Variants in JARID2 observed in about 807,000 individuals in gnomAD.
JARID2 encodes the protein jumonji and AT-rich interaction domain containing 2, also known as protein Jumonji.
In JARID2, 21 loss-of-function variants were observed where a neutral mutation model predicts 125.6. The ratio of observed to expected loss-of-function variants is 0.17; its 90% CI spans 0.12 to 0.24. The LOEUF is 0.24. Among genes scored for constraint, JARID2 ranks in the 10% least tolerant of loss-of-function variants. The pLI, the probability that JARID2 is intolerant of heterozygous loss-of-function variation, is 1.00. For synonymous variants in JARID2, 736 were observed against 661.6 expected (o/e 1.11, Z -1.73); for missense variants, 1,303 against 1,639.6 (o/e 0.79, Z 3.55).
intron 1 of JARID2, among the ~76,000 whole-genome samples, chr6:15,331,752 G>C (rs576193713): frequency 4.6e-5 from 7 of 152,056 alleles, no homozygotes; most frequent in African/African-American, 1.7e-4. Flanking sequence ...CCCAGGAGGT[G>C]GAGGTTGCAG....
At chr6:15,400,575 T>C (rs1429818961) in intron 2 of JARID2, among the ~76,000 whole-genome samples, 1 of 151,936 alleles carries the variant, frequency 6.6e-6, no homozygotes, top group African/African-American at 2.4e-5. Context: ...CCCCCATATG[T>C]CAGAAATTCT....
At chr6:15,491,444 T>G (rs945325576) in intron 6 of JARID2, among the ~76,000 whole-genome samples, 1 of 152,268 alleles carries the variant, frequency 6.6e-6, no homozygotes, top group Non-Finnish European at 1.5e-5. Flanking sequence ...CGCTTCTGTT[T>G]AGGCTCTTTG....
chr6:15,370,499 G>A (rs909761440), intron 1 of JARID2, among the ~76,000 whole-genome samples: 27 of 151,934 alleles, frequency 1.8e-4, no homozygotes, highest in African/African-American at 6.0e-4. Context: ...CACCACGCCC[G>A]GCTAATATTT....
chr6:15,270,736 C>G (rs1303574599), intron 1 of JARID2, among the ~76,000 whole-genome samples: 1 of 152,020 alleles, frequency 6.6e-6, no homozygotes, highest in Non-Finnish European at 1.5e-5. Context: ...TCACTTGAGC[C>G]TAGGAGTTTG....
intron 2 of JARID2, among the ~76,000 whole-genome samples, chr6:15,387,445 T>TGAA (rs1222364359): frequency 1.3e-5 from 2 of 152,196 alleles, no homozygotes; most frequent in African/African-American, 4.8e-5. Context: ...TGCCCTCTTC[T>TGAA]TGGCTGGTTC....
chr6:15,370,986 C>G (rs1348848375), intron 1 of JARID2, among the ~76,000 whole-genome samples: 1 of 152,212 alleles, frequency 6.6e-6, no homozygotes, highest in Non-Finnish European at 1.5e-5. Flanking sequence ...GGTGACAAGT[C>G]TCAACCAGCA....
Position 15,283,261 on chromosome 6 carries a change from A to T in JARID2, c.45+36677A>T, listed in dbSNP as rs1451264412. 2.7e-5 allele frequency among the ~76,000 whole-genome samples: 4 copies of T among 149,668 alleles called. 1 individual carries two copies. The highest frequency in any genetic ancestry group is 2.0e-4 in the East Asian group (1 of 5,100). On this transcript the variant is annotated intron_variant, in intron 1 of 17. Transcript: ENST00000341776. ...CCAAAGTGCTGGGATTACAGGTGTG[A>T]GCCACTGCGCCCGGCCGTTCTGGTA...
At chr6:15,444,843 C>T (rs1767605835) in intron 3 of JARID2, among the ~76,000 whole-genome samples, 1 of 135,162 alleles carries the variant, frequency 7.4e-6, no homozygotes, top group South Asian at 2.5e-4. Flanking sequence ...TACCAGCTTA[C>T]GTTTTTAATA....
chr6:15,443,831 G>A (rs1454185480), intron 3 of JARID2, among the ~76,000 whole-genome samples: 1 of 152,010 alleles, frequency 6.6e-6, no homozygotes, highest in African/African-American at 2.4e-5. Flanking sequence ...TGCCCTAGGT[G>A]ACAAGTTAGG....
At chr6:15,297,249 C>T (rs967738516) in intron 1 of JARID2, among the ~76,000 whole-genome samples, 2 of 152,254 alleles carry the variant, frequency 1.3e-5, no homozygotes, top group Middle Eastern at 3.4e-3. Context: ...CTCCTGGGTT[C>T]GAGCAGTTCT....
chr6:15,261,367 T>C (rs985575257), intron 1 of JARID2, among the ~76,000 whole-genome samples: 4 of 146,502 alleles, frequency 2.7e-5, no homozygotes, highest in Admixed American at 2.1e-4. Flanking sequence ...TGGGCTGGAG[T>C]GCAGTGGCGC....
At chr6:15,456,386 T>G (rs1768178276) in intron 4 of JARID2, among the ~76,000 whole-genome samples, 1 of 152,198 alleles carries the variant, frequency 6.6e-6, no homozygotes, top group Non-Finnish European at 1.5e-5. Context: ...GCTTAAATAA[T>G]TAAAGCCTAG....
chr6:15,490,805 AG>A (rs1272768907), intron 6 of JARID2, among the ~76,000 whole-genome samples: 5 of 152,214 alleles, frequency 3.3e-5, no homozygotes, highest in Non-Finnish European at 7.3e-5. Context: ...AGGGTTTTGA[AG>A]TATTAGTTTT....
At chr6:15,401,929 T>G (rs750883134) in intron 2 of JARID2, among the ~76,000 whole-genome samples, 77 of 145,828 alleles carry the variant, frequency 5.3e-4, no homozygotes, top group Non-Finnish European at 1.0e-3. Flanking sequence ...TTACTTTGAA[T>G]GGACTACTTA....
intron 1 of JARID2, among the ~76,000 whole-genome samples, chr6:15,267,616 C>G (rs1760135656): frequency 6.6e-6 from 1 of 152,132 alleles, no homozygotes; most frequent in South Asian, 2.1e-4. Context: ...GGCATTAACT[C>G]CTTATGAAGG....
intron 1 of JARID2, among the ~76,000 whole-genome samples, chr6:15,364,262 C>G (rs914068526): frequency 6.6e-6 from 1 of 152,170 alleles, no homozygotes; most frequent in African/African-American, 2.4e-5. Flanking sequence ...GGCCGTAATT[C>G]TAACCAGCCC....
In JARID2 at chr6:15,325,880, C is replaced by A. The variant is rs180901913; in HGVS notation, c.46-48237C>A. Reference sequence around the variant, plus strand: ...TTGAGTTATGAGAACTGTGTTGACTCCCGTTAAGCCAGATATTAAAGACTT... The same window carrying A: ...TTGAGTTATGAGAACTGTGTTGACTACCGTTAAGCCAGATATTAAAGACTT... On this transcript the variant is annotated intron_variant, in intron 1 of 17. Transcript: ENST00000341776. Among the ~76,000 whole-genome samples, 380 of 152,206 alleles carry A rather than the reference C, an allele frequency of 2.5e-3. 8 individuals are homozygous for A. The highest frequency in any genetic ancestry group is 6.0e-4 in the Non-Finnish European group (41 of 68,002).
In JARID2 at chr6:15,517,235, C is replaced by T; in HGVS notation, c.3525C>T (p.Cys1175=). 12 of 1,613,958 alleles carry T rather than the reference C, an allele frequency of 7.4e-6. No homozygotes were observed. The highest frequency in any genetic ancestry group is 1.0e-5 in the Non-Finnish European group (12 of 1,179,852). The change falls in exon 17 of 18, where the codon TGC becomes TGT. Residue 1175 remains cysteine (C), a synonymous_variant. Coordinates refer to ENST00000341776, the MANE Select transcript of JARID2 (RefSeq NM_004973.4). ...GCCACGTGGAGAAACAGAAGTCCTGCCGAGGGCTGAAGTTGATGTACCGCT... is the reference window on the plus strand; with the variant it reads ...GCCACGTGGAGAAACAGAAGTCCTGTCGAGGGCTGAAGTTGATGTACCGCT... ...ALRHVEKQKS[C]RGLKLMYRYD...
chr6:15,351,471 C>T (rs1000543336), intron 1 of JARID2, among the ~76,000 whole-genome samples: 1 of 152,136 alleles, frequency 6.6e-6, no homozygotes, highest in African/African-American at 2.4e-5. Context: ...GGGTCTCATC[C>T]CTGCTCTGCT....
Sources: gnomAD v4.1 joint callset for allele counts (sites outside exome capture counted in the v4.1 genomes callset) on GRCh38, gnomAD v4.1.1 for gene constraint, MANE v1.5 for transcripts, NCBI Gene and HGNC (gene_info 2026-07-23, HGNC 2026-07-21) for gene names.